VEZT: variants seen among roughly 807,000 people sequenced by gnomAD.
VEZT encodes the protein vezatin, adherens junctions transmembrane protein.
A neutral mutation model predicts 79.9 loss-of-function variants in VEZT; 39 were observed. The observed-to-expected ratio is 0.49, with a 90% CI of 0.38 to 0.64. VEZT has a LOEUF of 0.64. Among genes scored for constraint, VEZT ranks in the 30% least tolerant of loss-of-function variants. The probability of loss-of-function intolerance (pLI) is 0.00; values close to 1 mark genes in which losing one functional copy is unlikely to be tolerated. For missense variants in VEZT, 837 were observed against 893.1 expected (o/e 0.94, Z 0.80); for synonymous variants, 325 against 327.6 (o/e 0.99, Z 0.09).
Position 95,220,152 on chromosome 12 carries a change from CCCAGATCAAGAAA to C in VEZT, c.36+2268_36+2280del, listed in dbSNP as rs374734808. ...GTTGAGCACACCCATGTAACCAGCACCCAGATCAAGAAACGGGACAGATGGGGCATGGTGGCTC... is the reference window on the plus strand; with the variant it reads ...GTTGAGCACACCCATGTAACCAGCACCGGGACAGATGGGGCATGGTGGCTC... On this transcript the variant is annotated intron_variant, in intron 1 of 11. Coordinates refer to ENST00000436874, the MANE Select transcript of VEZT (RefSeq NM_017599.4). Among the ~76,000 whole-genome samples, 755 of 152,206 alleles carry C rather than the reference CCCAGATCAAGAAA, an allele frequency of 5.0e-3. 5 individuals are homozygous for C. The highest frequency in any genetic ancestry group is 0.018 in the African/African-American group (742 of 41,524).
chr12:95,302,714 A>G lies in VEZT; in HGVS notation c.*2041A>G, dbSNP rs1048114317. 6.6e-6 allele frequency: 1 copy of G among 151,866 alleles called. No individual in the cohort carries two copies. Among genetic ancestry groups the G allele is most frequent in the South Asian group, 2.1e-4 (1 of 4,808 alleles). 9.4% of individuals were successfully genotyped at this position (151,866 alleles called of 1,614,324 possible). On this transcript the variant is annotated 3_prime_UTR_variant, in exon 12 of 12. Transcript: ENST00000436874. Reference sequence around the variant, plus strand: ...TTTTAAAATGCAAATTTTAGACCATACTCCCAGTGATTCTTAGTTGGTCTT... The same window carrying G: ...TTTTAAAATGCAAATTTTAGACCATGCTCCCAGTGATTCTTAGTTGGTCTT...
At chr12:95,253,850 G>A (rs189697280) in intron 2 of VEZT, among the ~76,000 whole-genome samples, 6 of 152,060 alleles carry the variant, frequency 3.9e-5, no homozygotes, top group Non-Finnish European at 7.4e-5. Flanking sequence ...CTATAATCCC[G>A]GCACTTTGGG....
Position 95,266,701 on chromosome 12 carries a change from C to T in VEZT, c.710+69C>T. The T allele has an allele frequency of 4.3e-6, 6 of 1,411,608 alleles. No homozygotes were observed. The South Asian group carries it at 9.0e-5, about 21-fold the overall frequency. The allele number at this position is 1,411,608 out of a possible 1,614,324, so 87.4% of individuals were successfully genotyped here. A position where few individuals can be genotyped will look rare whatever the true frequency, so the allele number is the denominator to read the frequency against. On this transcript the variant is annotated intron_variant, in intron 5 of 11. Transcript: ENST00000436874. ...TTCCATAAAGGAGAATATTTATTACCTATTTTCATTTCTATGTTGCATTTA... is the reference window on the plus strand; with the variant it reads ...TTCCATAAAGGAGAATATTTATTACTTATTTTCATTTCTATGTTGCATTTA...
intron 9 of VEZT, chr12:95,290,949 G>A (rs1282760832): frequency 6.6e-6 from 1 of 152,078 alleles, no homozygotes; most frequent in Non-Finnish European, 1.5e-5. Context: ...AGAATCTCCA[G>A]TTAATAAAGT....
At position 95,302,618 on chromosome 12, in the gene VEZT, C is replaced by T. The variant is rs1267995643; in HGVS notation, c.*1945C>T. 1 of 151,972 alleles carries T rather than the reference C, an allele frequency of 6.6e-6. No individual in the cohort carries two copies. Among genetic ancestry groups the T allele is most frequent in the African/African-American group, 2.4e-5 (1 of 41,378 alleles). 9.4% of individuals were successfully genotyped at this position (151,972 alleles called of 1,614,324 possible). On this transcript the variant is annotated 3_prime_UTR_variant, in exon 12 of 12. Coordinates refer to ENST00000436874, the MANE Select transcript of VEZT (RefSeq NM_017599.4). ...AAAAATTCCTGGAGTAATTTTCTCT[C>T]ATAATATTTGAAGTCAGTGGTTCTC...
At chr12:95,229,001 C>CAAAACA (rs1337945445) in intron 1 of VEZT, among the ~76,000 whole-genome samples, 1 of 152,066 alleles carries the variant, frequency 6.6e-6, no homozygotes, top group Non-Finnish European at 1.5e-5. Context: ...GACCCTTTCT[C>CAAAACA]AAAACAAAAA....
chr12:95,302,431 T>A lies in VEZT; in HGVS notation c.*1758T>A, dbSNP rs1192730255. On this transcript the variant is annotated 3_prime_UTR_variant, in exon 12 of 12. Coordinates refer to ENST00000436874, the MANE Select transcript of VEZT (RefSeq NM_017599.4). ...GAGAATTTCCAGTCTTTCAGTCTGA[T>A]CTATTTAATTCACTACTTGTTACAT... 2 of 152,188 alleles carry A rather than the reference T, an allele frequency of 1.3e-5. No individual in the cohort carries two copies. Among genetic ancestry groups the A allele is most frequent in the Non-Finnish European group, 2.9e-5 (2 of 68,020 alleles). The allele number at this position is 152,188 out of a possible 1,614,324, so 9.4% of individuals were successfully genotyped here.
intron 9 of VEZT, among the ~76,000 whole-genome samples, chr12:95,289,435 A>G (rs1594130636): frequency 6.6e-6 from 1 of 150,418 alleles, no homozygotes; most frequent in East Asian, 1.9e-4. Context: ...AAAAAAAAAA[A>G]AAAAAAAGAA....
At chr12:95,256,554 T>C (rs1455782181) in intron 2 of VEZT, 1 of 1,287,216 alleles carries the variant, frequency 7.8e-7, no homozygotes, top group Non-Finnish European at 1.0e-6. Context: ...TTGCAGTACC[T>C]GGGATATAGT....
chr12:95,249,003 A>G (rs2062110353), intron 1 of VEZT, among the ~76,000 whole-genome samples: 1 of 152,162 alleles, frequency 6.6e-6, no homozygotes. Flanking sequence ...ATTTTGTGAC[A>G]TATGAAAATT....
chr12:95,248,882 G>A (rs572324889), intron 1 of VEZT, among the ~76,000 whole-genome samples: 5 of 151,576 alleles, frequency 3.3e-5, no homozygotes, highest in Admixed American at 2.6e-4. Context: ...AAAAGAACAG[G>A]AATCAGCAAA....
intron 11 of VEZT, among the ~76,000 whole-genome samples, chr12:95,298,202 C>T (rs1053495916): frequency 1.3e-5 from 2 of 151,980 alleles, no homozygotes; most frequent in African/African-American, 4.8e-5. Flanking sequence ...CCAAGCTGTC[C>T]TCTCTACTAG....
chr12:95,297,489 C>T (rs1454920936), intron 11 of VEZT, among the ~76,000 whole-genome samples: 6 of 152,056 alleles, frequency 3.9e-5, no homozygotes. Flanking sequence ...CCATTGGCCC[C>T]CTTTATAGCC....
intron 9 of VEZT, among the ~76,000 whole-genome samples, chr12:95,291,794 GTGTT>G (rs763506574): frequency 6.2e-4 from 94 of 152,180 alleles, no homozygotes; most frequent in African/African-American, 1.9e-3. Flanking sequence ...TAGGCTTTTT[GTGTT>G]TGTTTGTTTT....
chr12:95,231,467 T>C (rs945337503), intron 1 of VEZT: 5 of 152,176 alleles, frequency 3.3e-5, no homozygotes, highest in African/African-American at 1.2e-4. Context: ...GAAAGAAATG[T>C]ATGGATAAAA....
chr12:95,281,367 A>G (rs554034159), intron 7 of VEZT, among the ~76,000 whole-genome samples: 1 of 152,150 alleles, frequency 6.6e-6, no homozygotes, highest in Non-Finnish European at 1.5e-5. Context: ...GTTTCCCGCT[A>G]CTCAGGAGGC....
chr12:95,273,985 A>G (rs151313796), intron 6 of VEZT, among the ~76,000 whole-genome samples: 363 of 152,304 alleles, frequency 2.4e-3, no homozygotes, highest in Non-Finnish European at 3.0e-3. Context: ...ACAGTAGTCT[A>G]TGTCAAACAA....
intron 9 of VEZT, among the ~76,000 whole-genome samples, chr12:95,291,941 G>A (rs926382863): frequency 5.3e-5 from 8 of 152,098 alleles, no homozygotes; most frequent in East Asian, 1.9e-4. Context: ...TGGAACTACA[G>A]CCATGCACCA....
chr12:95,229,775 CAG>C (rs1400938792), intron 1 of VEZT, among the ~76,000 whole-genome samples: 1 of 152,112 alleles, frequency 6.6e-6, no homozygotes, highest in Admixed American at 6.5e-5. Flanking sequence ...GTGTACTCGA[CAG>C]GGGCACAGTG....
Sources: gnomAD v4.1 joint callset for allele counts (sites outside exome capture counted in the v4.1 genomes callset) on GRCh38, gnomAD v4.1.1 for gene constraint, MANE v1.5 for transcripts, NCBI Gene and HGNC (gene_info 2026-07-23, HGNC 2026-07-21) for gene names.